RBFOX1: variants seen among roughly 807,000 people sequenced by gnomAD.
RBFOX1 encodes the protein RNA binding protein fox-1 homolog 1.
A neutral mutation model predicts 57.7 loss-of-function variants in RBFOX1; 8 were observed. The ratio of observed to expected loss-of-function variants is 0.14; its 90% CI spans 0.08 to 0.25. RBFOX1 has a LOEUF of 0.25. Among genes scored for constraint, RBFOX1 ranks in the 10% least tolerant of loss-of-function variants. RBFOX1 has a pLI of 1.00. For missense variants in RBFOX1, 611 were observed against 548.5 expected, an observed-to-expected ratio of 1.11 and a Z score of -1.14; for synonymous variants, 326 against 222.4, an observed-to-expected ratio of 1.47 and a Z score of -4.15.
At chr16:6,998,897 TTCACTCTA>T (rs1472156293) in intron 3 of RBFOX1, among the ~76,000 whole-genome samples, 2 of 151,790 alleles carry the variant, frequency 1.3e-5, no homozygotes. Flanking sequence ...GCGACTGAGT[TTCACTCTA>T]TCACCCAGGC....
chr16:6,840,001 T>C (rs911521537), intron 3 of RBFOX1, among the ~76,000 whole-genome samples: 1 of 152,194 alleles, frequency 6.6e-6, no homozygotes, highest in Non-Finnish European at 1.5e-5. Context: ...ATAAACAAAA[T>C]AATATCTGTA....
chr16:6,540,908 G>A (rs919451088), intron 2 of RBFOX1, among the ~76,000 whole-genome samples: 1 of 151,996 alleles, frequency 6.6e-6, no homozygotes, highest in Non-Finnish European at 1.5e-5. Flanking sequence ...TCGTTTCTCT[G>A]ACTTCTTGGA....
chr16:6,785,367 G>A (rs1243157851), intron 3 of RBFOX1, among the ~76,000 whole-genome samples: 1 of 152,146 alleles, frequency 6.6e-6, no homozygotes, highest in African/African-American at 2.4e-5. Context: ...TGTGTATAGA[G>A]CTTTTAGGGA....
chr16:7,587,795 T>C (rs1424339939), intron 7 of RBFOX1, among the ~76,000 whole-genome samples: 2 of 152,218 alleles, frequency 1.3e-5, no homozygotes, highest in East Asian at 3.8e-4. Context: ...TTTGAGTTTG[T>C]TTTTTCAAGG....
chr16:7,122,793 C>G (rs899494862), intron 4 of RBFOX1, among the ~76,000 whole-genome samples: 1 of 152,088 alleles, frequency 6.6e-6, no homozygotes, highest in Non-Finnish European at 1.5e-5. Flanking sequence ...CCATAGCCCC[C>G]TAGAAACAAG....
intron 3 of RBFOX1, among the ~76,000 whole-genome samples, chr16:6,791,862 T>G (rs978688151): frequency 3.3e-5 from 5 of 152,176 alleles, no homozygotes; most frequent in Admixed American, 2.0e-4. Flanking sequence ...CTTTTATATA[T>G]TAAGTAACTC....
At chr16:7,018,652 C>T (rs2094039259) in intron 3 of RBFOX1, among the ~76,000 whole-genome samples, 1 of 152,130 alleles carries the variant, frequency 6.6e-6, no homozygotes, top group East Asian at 1.9e-4. Context: ...GGAATTGCCA[C>T]ACTGTGTTCC....
At chr16:7,004,958 A>G (rs2093168249) in intron 3 of RBFOX1, among the ~76,000 whole-genome samples, 1 of 152,188 alleles carries the variant, frequency 6.6e-6, no homozygotes, top group Admixed American at 6.5e-5. Flanking sequence ...AGCTTGGCCA[A>G]CATGGTGAAA....
intron 1 of RBFOX1, among the ~76,000 whole-genome samples, chr16:6,149,766 C>G (rs2096784735): frequency 6.6e-6 from 1 of 152,180 alleles, no homozygotes; most frequent in South Asian, 2.1e-4. Context: ...AGTCGATTCT[C>G]TTACCTGCAC....
chr16:6,160,949 C>A (rs536124234), intron 1 of RBFOX1, among the ~76,000 whole-genome samples: 2 of 152,320 alleles, frequency 1.3e-5, no homozygotes, highest in Non-Finnish European at 2.9e-5. Context: ...GAACATTCGC[C>A]CCTTGTTCAT....
At chr16:5,694,387 G>T (rs965491507) in intron 3 of RBFOX1, among the ~76,000 whole-genome samples, 1 of 152,174 alleles carries the variant, frequency 6.6e-6, no homozygotes, top group Non-Finnish European at 1.5e-5. Context: ...TCTACTTAGT[G>T]GGGCAGCAGT....
At chr16:5,529,015 C>G (rs1053876547) in intron 2 of RBFOX1, among the ~76,000 whole-genome samples, 2 of 151,998 alleles carry the variant, frequency 1.3e-5, no homozygotes, top group African/African-American at 4.8e-5. Context: ...AGTGGAGTAA[C>G]CACTGGCTCT....
intron 3 of RBFOX1, among the ~76,000 whole-genome samples, chr16:7,011,612 C>G (rs946096694): frequency 3.3e-5 from 5 of 152,134 alleles, no homozygotes; most frequent in African/African-American, 1.2e-4. Context: ...ATCCCGGGTT[C>G]ACGCCATTAT....
intron 1 of RBFOX1, among the ~76,000 whole-genome samples, chr16:5,410,903 T>A (rs1210093585): frequency 6.6e-6 from 1 of 152,264 alleles, no homozygotes; most frequent in Admixed American, 6.5e-5. Flanking sequence ...AAACCACTTG[T>A]ACTCTTTACA....
At chr16:6,729,478 C>A (rs779713769) in intron 3 of RBFOX1, among the ~76,000 whole-genome samples, 2 of 152,076 alleles carry the variant, frequency 1.3e-5, no homozygotes, top group African/African-American at 2.4e-5. Flanking sequence ...TCCCAGCAAT[C>A]CATTAAAATG....
intron 2 of RBFOX1, among the ~76,000 whole-genome samples, chr16:5,524,570 T>G (rs1304510334): frequency 6.6e-6 from 1 of 151,490 alleles, no homozygotes; most frequent in East Asian, 1.9e-4. Context: ...AGACAGAGTC[T>G]TGCTCTGTCG....
At chr16:7,616,149 G>T (rs2058407192) in intron 10 of RBFOX1, among the ~76,000 whole-genome samples, 1 of 152,170 alleles carries the variant, frequency 6.6e-6, no homozygotes, top group Non-Finnish European at 1.5e-5. Flanking sequence ...TGATTAGAAG[G>T]ACTCAGAGTT....
chr16:7,586,878 C>T (rs1170347609), intron 6 of RBFOX1, among the ~76,000 whole-genome samples: 1 of 152,222 alleles, frequency 6.6e-6, no homozygotes, highest in African/African-American at 2.4e-5. Context: ...AATCACATTT[C>T]ATCAAGGGTG....
intron 13 of RBFOX1, among the ~76,000 whole-genome samples, chr16:7,668,982 G>T: frequency 6.6e-6 from 1 of 152,148 alleles, no homozygotes; most frequent in Non-Finnish European, 1.5e-5. Context: ...CAGCTCACTT[G>T]CAACCTCCGC....
Sources: gnomAD v4.1 joint callset for allele counts (sites outside exome capture counted in the v4.1 genomes callset) on GRCh38, gnomAD v4.1.1 for gene constraint, MANE v1.5 for transcripts, NCBI Gene and HGNC (gene_info 2026-07-23, HGNC 2026-07-21) for gene names.